ZC3HAV1: variants seen among roughly 807,000 people sequenced by gnomAD.
The protein encoded by ZC3HAV1 is zinc finger CCCH-type containing, antiviral 1, also known as zinc finger CCCH-type antiviral protein 1.
ZC3HAV1 carries 41 observed loss-of-function variants against 86.6 expected under a neutral mutation model. That is an observed-to-expected ratio of 0.47 (90% confidence interval 0.37 to 0.61). The LOEUF (loss-of-function observed/expected upper bound fraction) is 0.61. Ranked by LOEUF, ZC3HAV1 falls within the 20% of genes least tolerant of loss-of-function variation. ZC3HAV1 has a pLI of 0.00. For synonymous variants in ZC3HAV1, 421 were observed against 432.1 expected (o/e 0.97, Z 0.32); for missense variants, 964 against 1,141.1 (o/e 0.84, Z 2.24).
intron 1 of ZC3HAV1, among the ~76,000 whole-genome samples, chr7:139,095,328 C>A (rs1329221046): frequency 2.6e-5 from 4 of 152,122 alleles, no homozygotes; most frequent in Non-Finnish European, 4.4e-5. Flanking sequence ...TGGTTTACTG[C>A]CTCTAGAGCC....
At chr7:139,055,365 T>A in intron 9 of ZC3HAV1, 70 bp from the exon 10 acceptor site, 1 of 1,369,296 alleles carries the variant, frequency 7.3e-7, no homozygotes. Context: ...TCTCTTAACT[T>A]CCAGCCACTA....
Position 139,108,759 on chromosome 7 carries a change from G to T in ZC3HAV1, c.308+265C>A, listed in dbSNP as rs904912451. ...GCGGGCGGGCGGGGAAAGGGGTGGA[G>T]GTTGAGCCTGGTCTCCTCCAGGCAC... On this transcript the variant is annotated intron_variant, in intron 1 of 12. Transcript: ENST00000242351. The surrounding 1 kb of genome is among the most constrained non-coding windows in gnomAD (Gnocchi z 4.2). Among the ~76,000 whole-genome samples the T allele has an allele frequency of 9.2e-5, 14 of 152,268 alleles. No individual in the cohort carries two copies. Among genetic ancestry groups the T allele is most frequent in the Admixed American group, 1.3e-4 (2 of 15,286 alleles).
chr7:139,061,233 T>C (rs762806789), intron 8 of ZC3HAV1, 95 bp from the exon 9 acceptor site: 22 of 1,161,648 alleles, frequency 1.9e-5, no homozygotes, highest in Non-Finnish European at 2.6e-5. Flanking sequence ...ACACGGCAAA[T>C]ATTCAAGACT....
intron 10 of ZC3HAV1, among the ~76,000 whole-genome samples, chr7:139,054,856 C>T (rs142638338): frequency 1.4e-3 from 214 of 152,268 alleles, no homozygotes; most frequent in South Asian, 5.0e-3. Flanking sequence ...GGCGCGATCT[C>T]GGCTCGCTGC....
intron 10 of ZC3HAV1, 98 bp downstream of exon 10, chr7:139,055,107 G>C: frequency 4.5e-6 from 5 of 1,099,664 alleles, no homozygotes; most frequent in Non-Finnish European, 6.7e-6. Context: ...GAGTTTTGCG[G>C]GAGCAATTCA....
intron 12 of ZC3HAV1, among the ~76,000 whole-genome samples, chr7:139,050,337 A>T (rs1816087417): frequency 6.6e-6 from 1 of 152,054 alleles, no homozygotes; most frequent in South Asian, 2.1e-4. Flanking sequence ...GTGTTAAGAA[A>T]GTTCATTTCT....
At chr7:139,078,756 T>C (rs1817033201) in intron 4 of ZC3HAV1, 103 bp from the exon 5 acceptor site, 2 of 905,268 alleles carry the variant, frequency 2.2e-6, no homozygotes, top group South Asian at 3.9e-5. Flanking sequence ...ATGGGGGCCA[T>C]GTTCAAGAAA....
chr7:139,109,576 C>A lies in ZC3HAV1; in HGVS notation c.-245G>T. 1 of 455,058 alleles carries A rather than the reference C, an allele frequency of 2.2e-6. No individual in the cohort carries two copies. The highest frequency in any genetic ancestry group is 3.8e-6 in the Non-Finnish European group (1 of 261,544). 28.2% of individuals were successfully genotyped at this position (455,058 alleles called of 1,614,324 possible). On this transcript the variant is annotated 5_prime_UTR_variant, in exon 1 of 13. Coordinates refer to ENST00000242351, the MANE Select transcript of ZC3HAV1 (RefSeq NM_020119.4). ...GCAGGTTTACAGCCGGCCGCAAGGG[C>A]AACTGGGTGGAAAGAAAGAGAACGC...
At chr7:139,053,349 A>G (rs1052773718) in intron 12 of ZC3HAV1, 102 bp downstream of exon 12, 1 of 1,370,602 alleles carries the variant, frequency 7.3e-7, no homozygotes, top group African/African-American at 1.5e-5. Context: ...GAGCCTGGAC[A>G]CTCTGGTTAA....
intron 9 of ZC3HAV1, among the ~76,000 whole-genome samples, chr7:139,058,383 G>C (rs1816346564): frequency 6.6e-6 from 1 of 150,762 alleles, no homozygotes; most frequent in South Asian, 2.1e-4. Flanking sequence ...GAGTCCGAGA[G>C]GTTGAGGCTG....
intron 1 of ZC3HAV1, among the ~76,000 whole-genome samples, chr7:139,099,290 C>T (rs1216559515): frequency 6.6e-6 from 1 of 152,196 alleles, no homozygotes; most frequent in Non-Finnish European, 1.5e-5. Flanking sequence ...GGCCACCAGT[C>T]TGACAATAAC....
Position 139,053,530 on chromosome 7 carries a change from G to A in ZC3HAV1, c.2370C>T (p.Ser790=). The change falls in exon 12 of 13, where the codon AGC becomes AGT. Residue 790 remains serine (S), a synonymous_variant. Coordinates refer to ENST00000242351, the MANE Select transcript of ZC3HAV1 (RefSeq NM_020119.4). ...AACAGATAGATTCCACATAGGCACG[G>A]CTTGTCGCATAAAATAGGAGTTTTC... ...EEGKLLFYAT[S]RAYVESICSN... 2.5e-6 allele frequency: 4 copies of A among 1,605,216 alleles called. No individual in the cohort carries two copies. The highest frequency in any genetic ancestry group is 3.4e-6 in the Non-Finnish European group (4 of 1,177,266).
chr7:139,079,934 T>C lies in ZC3HAV1; in HGVS notation c.1007A>G (p.Gln336Arg). The C allele has an allele frequency of 6.2e-7, 1 of 1,614,184 alleles. No homozygotes were observed. The highest frequency in any genetic ancestry group is 8.5e-7 in the Non-Finnish European group (1 of 1,180,032). Reference sequence around the variant, plus strand: ...TGGATTTCCATGCAAGAGGTCCTCTTGACTGCCGTTCTCTAAAAACCTCTG... The same window carrying C: ...TGGATTTCCATGCAAGAGGTCCTCTCGACTGCCGTTCTCTAAAAACCTCTG... ...TSQRFLENGS[Q>R]EDLLHGNPGS... is the part of the protein sequence containing the mutation. Residue 336 changes from glutamine to arginine, a missense_variant, in exon 4 of 13, where the codon CAA (glutamine) becomes CGA (arginine). Gln to Arg is a conservative substitution (Grantham distance 43, BLOSUM62 1). Coordinates refer to ENST00000242351, the MANE Select transcript of ZC3HAV1 (RefSeq NM_020119.4).
Position 139,047,761 on chromosome 7 carries a change from C to A in ZC3HAV1, c.2542G>T (p.Gly848Ter). The change falls in exon 13 of 13, where the codon GGA becomes TGA. Residue 848 changes from glycine (G) to a stop codon, truncating the protein, a stop_gained. Transcript: ENST00000242351. LOFTEE classifies it low-confidence loss of function (END_TRUNC). ...GTTATATTTCCTTCAGTAAACTTTC[C>A]AACCAGAACTTGGGCTACAAACATA... The part of the protein sequence containing the change: ...VVMFVAQVLV[G>*]KFTEGNITYT... 2 of 1,614,080 alleles carry A rather than the reference C, an allele frequency of 1.2e-6. No individual in the cohort carries two copies. The highest frequency in any genetic ancestry group is 1.7e-6 in the Non-Finnish European group (2 of 1,180,010).
At chr7:139,072,041 A>T (rs1015304252) in intron 7 of ZC3HAV1, among the ~76,000 whole-genome samples, 4 of 152,206 alleles carry the variant, frequency 2.6e-5, no homozygotes, top group African/African-American at 9.6e-5. Context: ...GGCAGCTCAG[A>T]GCCAAATGTA....
intron 7 of ZC3HAV1, among the ~76,000 whole-genome samples, chr7:139,068,668 C>G (rs1477958176): frequency 6.6e-6 from 1 of 152,224 alleles, no homozygotes; most frequent in African/African-American, 2.4e-5. Flanking sequence ...AAGTCAGTGT[C>G]TGAGTACCTG....
At chr7:139,057,531 C>CTTTTTT in intron 9 of ZC3HAV1, among the ~76,000 whole-genome samples, 1 of 78,570 alleles carries the variant, frequency 1.3e-5, no homozygotes, top group Non-Finnish European at 2.5e-5. Context: ...AAAACAATTA[C>CTTTTTT]ATTTTTTTTT....
At chr7:139,106,941 G>A (rs1316041216) in intron 1 of ZC3HAV1, among the ~76,000 whole-genome samples, 1 of 146,068 alleles carries the variant, frequency 6.8e-6, no homozygotes, top group African/African-American at 2.5e-5. Flanking sequence ...TTGAAATGAT[G>A]GGTACAAGGG....
intron 7 of ZC3HAV1, among the ~76,000 whole-genome samples, chr7:139,072,435 C>T (rs6972275): frequency 3.4e-5 from 5 of 149,068 alleles, no homozygotes; most frequent in African/African-American, 1.3e-4. Flanking sequence ...ATCCACCCCA[C>T]CTCGGCCTCC....
Sources: allele counts gnomAD v4.1 joint callset (sites outside exome capture counted in the v4.1 genomes callset), GRCh38; gene constraint gnomAD v4.1.1; non-coding constraint Gnocchi (gnomAD v3.1); transcripts MANE v1.5; gene names NCBI Gene and HGNC (gene_info 2026-07-23, HGNC 2026-07-21).